The following FAM53A variants were observed in gnomAD, a reference collection of about 807,000 sequenced individuals.
FAM53A encodes the protein protein FAM53A.
In FAM53A, 28 loss-of-function variants were observed where a neutral mutation model predicts 26.6. That is an observed-to-expected ratio of 1.05 (90% CI 0.78 to 1.45). FAM53A has a LOEUF of 1.45. FAM53A is among the 40% of genes most tolerant of loss of function. FAM53A has a pLI of 0.00. For missense variants in FAM53A, 650 were observed against 575.8 expected (o/e 1.13, Z -1.32); for synonymous variants, 290 against 253.1 (o/e 1.15, Z -1.38).
the FAM53A span, among the ~76,000 whole-genome samples, chr4:1,587,711 T>C: frequency 6.6e-6 from 1 of 152,132 alleles, no homozygotes; most frequent in Non-Finnish European, 1.5e-5. Flanking sequence ...AGACATATTA[T>C]ATCACCCTGT....
downstream of FAM53A, among the ~76,000 whole-genome samples, chr4:1,617,415 G>A (rs1359033921): frequency 6.6e-6 from 1 of 152,110 alleles, no homozygotes; most frequent in African/African-American, 2.4e-5. Context: ...ACCAGCTTCA[G>A]GGAAGTGCTG....
intron 1 of FAM53A, among the ~76,000 whole-genome samples, chr4:1,680,625 A>G (rs1715367813): frequency 1.3e-5 from 2 of 152,212 alleles, no homozygotes; most frequent in African/African-American, 4.8e-5. Flanking sequence ...ACAGTGTAAT[A>G]TTATTTAGCA....
chr4:1,583,111 TGGGAGATGGCAAA>T, the FAM53A span, among the ~76,000 whole-genome samples: 1 of 152,324 alleles, frequency 6.6e-6, no homozygotes, highest in Admixed American at 6.5e-5. Flanking sequence ...CCAGTTGTCC[TGGGAGATGGCAAA>T]GGGAGATGGG....
chr4:1,648,766 T>C (rs868488098), intron 4 of FAM53A, among the ~76,000 whole-genome samples: 19 of 152,198 alleles, frequency 1.2e-4, no homozygotes, highest in Admixed American at 5.9e-4. Flanking sequence ...AGGAGCAGAA[T>C]GGGGTGTGCA....
rs545538487 is a variant in FAM53A, at chr4:1,630,539, C to A, written c.432-12428G>T. Among the ~76,000 whole-genome samples the A allele has an allele frequency of 4.5e-4, 69 of 152,316 alleles. No homozygotes were observed. Among genetic ancestry groups the A allele is most frequent in the African/African-American group, 1.5e-3 (62 of 41,568 alleles). On this transcript the variant is annotated intron_variant, in intron 1 of 1. Coordinates refer to the FAM53A transcript ENST00000489029. The surrounding 1 kb of genome is among the most constrained non-coding windows in gnomAD (Gnocchi z 4.3). ...GGCAAGAGCAGGGTCTACAAAAATA[C>A]ACGCCCCGGGCCCCGTTCAGCCAGT... is the stretch of plus-strand genomic sequence containing the variant.
At chr4:1,595,099 A>T in the FAM53A span, among the ~76,000 whole-genome samples, 1 of 152,196 alleles carries the variant, frequency 6.6e-6, no homozygotes, top group African/African-American at 2.4e-5. Flanking sequence ...CATGCCAGGG[A>T]CGGGGAGGCA....
Position 1,668,924 on chromosome 4 carries a change from A to G in FAM53A, c.-164-19T>C. 1 of 563,720 alleles carries G rather than the reference A, an allele frequency of 1.8e-6. No homozygotes were observed. The allele number at this position is 563,720 out of a possible 1,614,324, so 34.9% of individuals were successfully genotyped here. A position where few individuals can be genotyped will look rare whatever the true frequency, so the allele number is the denominator to read the frequency against. ...TTTGTGCCTGTTTCTCAGAAGAGAG[A>G]AATCATCATGTGATTATACGCAAAA... On this transcript the variant is annotated intron_variant, in intron 1 of 4. Coordinates refer to ENST00000308132, the MANE Select transcript of FAM53A (RefSeq NM_001174070.3).
At chr4:1,621,778 G>C (rs1051720224) in intron 1 of FAM53A, among the ~76,000 whole-genome samples, 4 of 152,244 alleles carry the variant, frequency 2.6e-5, no homozygotes, top group Admixed American at 2.6e-4. Flanking sequence ...CAGGCTGAAC[G>C]TCTGGCCCGT....
At chr4:1,654,947 C>T (rs1471447143) in intron 4 of FAM53A, 31 bp downstream of exon 4, 1 of 1,499,986 alleles carries the variant, frequency 6.7e-7, no homozygotes, top group South Asian at 1.4e-5. Context: ...ATCTACGCCC[C>T]TCTGAGCCCC....
At chr4:1,673,371 C>G (rs1026804342) in intron 1 of FAM53A, among the ~76,000 whole-genome samples, 2 of 152,224 alleles carry the variant, frequency 1.3e-5, no homozygotes, top group Non-Finnish European at 2.9e-5. Context: ...CCTGGAGGGT[C>G]TGCACGCCCT....
At position 1,639,915 on chromosome 4, in the gene FAM53A, C is replaced by G. The variant is rs896887890; in HGVS notation, c.*1378G>C. ...TCTTTTGCTATCGCAAACTCGAAAC[C>G]CCTACGATTTTATTAAAAGTGCAAG... is the stretch of plus-strand genomic sequence containing the variant. On this transcript the variant is annotated 3_prime_UTR_variant, in exon 5 of 5. Coordinates refer to ENST00000308132, the MANE Select transcript of FAM53A (RefSeq NM_001174070.3). The G allele has an allele frequency of 6.6e-6, 1 of 152,152 alleles. No individual in the cohort carries two copies. Among genetic ancestry groups the G allele is most frequent in the Admixed American group, 6.5e-5 (1 of 15,276 alleles). 9.4% of individuals were successfully genotyped at this position (152,152 alleles called of 1,614,324 possible).
intron 4 of FAM53A, 99 bp from the exon 5 acceptor site, chr4:1,641,706 G>A: frequency 1.6e-6 from 2 of 1,243,786 alleles, no homozygotes; most frequent in Non-Finnish European, 2.3e-6. Context: ...TGGGGCTCTG[G>A]CCATCCCCAA....
intron 1 of FAM53A, among the ~76,000 whole-genome samples, chr4:1,678,423 A>C (rs1032272394): frequency 1.3e-5 from 2 of 152,238 alleles, no homozygotes; most frequent in South Asian, 2.1e-4. Context: ...GCCCAGATAT[A>C]GAACCACACA....
chr4:1,682,752 A>C (rs1456340681), intron 1 of FAM53A, among the ~76,000 whole-genome samples: 1 of 151,108 alleles, frequency 6.6e-6, no homozygotes, highest in African/African-American at 2.5e-5. Context: ...GCCTCACTAT[A>C]GAGCAACTAC....
chr4:1,622,896 G>A (rs911007075), intron 1 of FAM53A, among the ~76,000 whole-genome samples: 1 of 152,226 alleles, frequency 6.6e-6, no homozygotes, highest in African/African-American at 2.4e-5. Context: ...CAAGGGGAAG[G>A]GGAGGCCACA....
chr4:1,574,182 C>G, the FAM53A span: 1 of 154,364 alleles, frequency 6.5e-6, no homozygotes, highest in African/African-American at 2.4e-5. Flanking sequence ...TCGTCACAGC[C>G]TGGCACGTGG....
At chr4:1,633,902 G>A (rs114005193) in intron 1 of FAM53A, among the ~76,000 whole-genome samples, 2 of 152,084 alleles carry the variant, frequency 1.3e-5, no homozygotes, top group South Asian at 4.1e-4. Flanking sequence ...GGGCATGACT[G>A]GGGGGTCTGG....
chr4:1,593,440 C>A, the FAM53A span, among the ~76,000 whole-genome samples: 1 of 152,332 alleles, frequency 6.6e-6, no homozygotes, highest in South Asian at 2.1e-4. Flanking sequence ...CCCGGCTCCC[C>A]CCTCGGTAGA....
At chr4:1,599,036 C>A in the FAM53A span, among the ~76,000 whole-genome samples, 1 of 152,272 alleles carries the variant, frequency 6.6e-6, no homozygotes, top group East Asian at 1.9e-4. The surrounding 1 kb of genome is among the most constrained non-coding windows in gnomAD (Gnocchi z 6.1). Flanking sequence ...CGGCCCGCTT[C>A]CCTCCTGGCC....
Sources: gnomAD v4.1 joint callset for allele counts (sites outside exome capture counted in the v4.1 genomes callset) on GRCh38, gnomAD v4.1.1 for gene constraint, Gnocchi (gnomAD v3.1) non-coding constraint, MANE v1.5 for transcripts, NCBI Gene and HGNC (gene_info 2026-07-23, HGNC 2026-07-21) for gene names.